COL4A2: variants seen among roughly 807,000 people sequenced by gnomAD.
The protein encoded by COL4A2 is collagen alpha-2(IV) chain.
Under a neutral mutation model 200.2 loss-of-function variants are expected in COL4A2, and 99 were observed. The ratio of observed to expected loss-of-function variants is 0.49; its 90% CI spans 0.42 to 0.58. The LOEUF is 0.58. Among genes scored for constraint, COL4A2 ranks in the 20% least tolerant of loss-of-function variants. The probability of loss-of-function intolerance (pLI) is 0.00; values close to 1 mark genes in which losing one functional copy is unlikely to be tolerated. For synonymous variants in COL4A2, 897 were observed against 900.6 expected, an observed-to-expected ratio of 1.00 and a Z score of 0.07; for missense variants, 1,950 against 2,314.1, an observed-to-expected ratio of 0.84 and a Z score of 3.23.
chr13:110,352,693 C>T (rs1030281739), intron 3 of COL4A2, among the ~76,000 whole-genome samples: 2 of 152,308 alleles, frequency 1.3e-5, no homozygotes, highest in South Asian at 2.1e-4. Context: ...TCAGATTCCT[C>T]GGTGGTCCCG....
chr13:110,450,238 C>A, intron 19 of COL4A2, 67 bp from the exon 20 acceptor site: 1 of 1,452,806 alleles, frequency 6.9e-7, no homozygotes, highest in Non-Finnish European at 9.6e-7. Flanking sequence ...CCCCTCTGGA[C>A]ACGAACACAA....
At chr13:110,388,290 T>TG (rs1878844320) in intron 4 of COL4A2, among the ~76,000 whole-genome samples, 1 of 152,210 alleles carries the variant, frequency 6.6e-6, no homozygotes, top group Non-Finnish European at 1.5e-5. Context: ...GCCGGCACCT[T>TG]GGGAGGCACT....
At chr13:110,376,695 G>A (rs963691718) in intron 4 of COL4A2, among the ~76,000 whole-genome samples, 9 of 152,168 alleles carry the variant, frequency 5.9e-5, no homozygotes, top group African/African-American at 2.2e-4. Flanking sequence ...GCAGGCCCAG[G>A]AGGGCCTGAA....
chr13:110,329,359 C>T (rs1213526367), intron 3 of COL4A2, among the ~76,000 whole-genome samples: 3 of 152,226 alleles, frequency 2.0e-5, no homozygotes, highest in African/African-American at 7.2e-5. Context: ...AACATACTTG[C>T]TGCAGTGGTT....
At chr13:110,500,680 A>G (rs1883607139) in intron 40 of COL4A2, among the ~76,000 whole-genome samples, 2 of 152,338 alleles carry the variant, frequency 1.3e-5, no homozygotes, top group South Asian at 4.1e-4. Context: ...CCTAGGGGAA[A>G]TACAAGGCTA....
At chr13:110,440,407 G>A (rs1281410959) in intron 16 of COL4A2, among the ~76,000 whole-genome samples, 4 of 152,098 alleles carry the variant, frequency 2.6e-5, no homozygotes, top group African/African-American at 9.7e-5. Context: ...AGGCCAGCCT[G>A]ACCAACATGG....
intron 4 of COL4A2, among the ~76,000 whole-genome samples, chr13:110,412,515 G>A (rs998833100): frequency 6.6e-6 from 1 of 152,194 alleles, no homozygotes; most frequent in Non-Finnish European, 1.5e-5. Context: ...ACAAAAACGT[G>A]TCTTTTTTGG....
At position 110,485,043 on chromosome 13, in the gene COL4A2, T is replaced by G; in HGVS notation, c.3025+16T>G. ...GGCGCAAAAGGTGAGGCTTCTGACC[T>G]GCAGCCAGGGGCCCCTAGTCCCTGC... On this transcript the variant is annotated intron_variant, in intron 33 of 47. Coordinates refer to ENST00000360467, the MANE Select transcript of COL4A2 (RefSeq NM_001846.4). 1 of 1,568,376 alleles carries G rather than the reference T, an allele frequency of 6.4e-7. No individual in the cohort carries two copies. Among genetic ancestry groups the G allele is most frequent in the Non-Finnish European group, 8.7e-7 (1 of 1,150,772 alleles).
At chr13:110,429,068 TG>T (rs1880580143) in intron 7 of COL4A2, 1 of 152,758 alleles carries the variant, frequency 6.5e-6, no homozygotes, top group Non-Finnish European at 1.5e-5. Flanking sequence ...CATCCTGAAA[TG>T]TGTCTTCAGT....
chr13:110,478,185 T>C, intron 30 of COL4A2, 21 bp downstream of exon 30: 1 of 1,546,200 alleles, frequency 6.5e-7, no homozygotes, highest in Non-Finnish European at 8.7e-7. Context: ...AGCCCTCCCA[T>C]AAACGAGTGG....
intron 4 of COL4A2, among the ~76,000 whole-genome samples, chr13:110,409,477 A>G (rs116966275): frequency 4.6e-5 from 7 of 152,372 alleles, no homozygotes; most frequent in African/African-American, 9.6e-5. Flanking sequence ...ACCTTTGTGA[A>G]CACCAAATGC....
chr13:110,398,738 A>G (rs1879268356), intron 4 of COL4A2, among the ~76,000 whole-genome samples: 1 of 152,132 alleles, frequency 6.6e-6, no homozygotes, highest in African/African-American at 2.4e-5. Flanking sequence ...AGAAAGGAAG[A>G]AAGAATCAAA....
Position 110,509,280 on chromosome 13 carries a change from C to T in COL4A2, c.4881+1059C>T, listed in dbSNP as rs1165403846. ...ATATATATATATATATACACACACACACACACACACACACACAACATAAAA... is the reference window on the plus strand; with the variant it reads ...ATATATATATATATATACACACACATACACACACACACACACAACATAAAA... On this transcript the variant is annotated intron_variant, in intron 47 of 47. Transcript: ENST00000360467. Among the ~76,000 whole-genome samples, 883 of 88,948 alleles carry T rather than the reference C, an allele frequency of 9.9e-3. 6 individuals carry two copies. The highest frequency in any genetic ancestry group is 0.013 in the Non-Finnish European group (509 of 38,228). The allele number at this position is 88,948 out of a possible 152,430, so 58.4% of individuals were successfully genotyped here.
intron 25 of COL4A2, 117 bp from the exon 26 acceptor site, chr13:110,465,886 C>T: frequency 7.8e-7 from 1 of 1,288,668 alleles, no homozygotes; most frequent in Non-Finnish European, 1.1e-6. Flanking sequence ...TCAAAGCCTT[C>T]CTGCCCCCAC....
At chr13:110,470,831 C>G (rs564067312) in intron 28 of COL4A2, among the ~76,000 whole-genome samples, 1 of 152,332 alleles carries the variant, frequency 6.6e-6, no homozygotes, top group East Asian at 1.9e-4. Context: ...TAGATGGTAT[C>G]TTTCGGAATT....
intron 11 of COL4A2, among the ~76,000 whole-genome samples, chr13:110,432,603 C>T (rs1880722247): frequency 6.6e-6 from 1 of 152,174 alleles, no homozygotes; most frequent in African/African-American, 2.4e-5. Flanking sequence ...TACCACATGC[C>T]TGTTGGTATA....
At chr13:110,347,033 G>T (rs577306986) in intron 3 of COL4A2, among the ~76,000 whole-genome samples, 14 of 152,350 alleles carry the variant, frequency 9.2e-5, no homozygotes, top group Admixed American at 2.6e-4. Context: ...TCGCTGGTGA[G>T]AGGGCGCATC....
At chr13:110,503,359 C>CCTAACGT in intron 42 of COL4A2, 24 bp from the exon 43 acceptor site, 1 of 1,592,574 alleles carries the variant, frequency 6.3e-7, no homozygotes, top group South Asian at 1.1e-5. Flanking sequence ...CTTTCGTGTC[C>CCTAACGT]CTAACGTCTT....
At chr13:110,412,594 T>C (rs961445868) in intron 4 of COL4A2, among the ~76,000 whole-genome samples, 3 of 152,246 alleles carry the variant, frequency 2.0e-5, no homozygotes, top group African/African-American at 7.2e-5. Flanking sequence ...CTTTTATAGC[T>C]TTCTCACAGA....
Sources: gnomAD v4.1 joint callset for allele counts (sites outside exome capture counted in the v4.1 genomes callset) on GRCh38, gnomAD v4.1.1 for gene constraint, MANE v1.5 for transcripts, NCBI Gene and HGNC (gene_info 2026-07-23, HGNC 2026-07-21) for gene names.